CDH22: variants seen among roughly 807,000 people sequenced by gnomAD.
CDH22 encodes the protein cadherin-22.
CDH22 carries 30 observed loss-of-function variants against 58.4 expected under a neutral mutation model. The observed-to-expected ratio is 0.51, with a 90% CI of 0.38 to 0.70. CDH22 has a LOEUF of 0.70. Ranked by LOEUF, CDH22 falls within the 30% of genes least tolerant of loss-of-function variation. The probability of loss-of-function intolerance (pLI) is 0.00; values close to 1 mark genes in which losing one functional copy is unlikely to be tolerated. For missense variants in CDH22, 1,014 were observed against 1,233.9 expected (o/e 0.82, Z 2.67); for synonymous variants, 513 against 558.2 (o/e 0.92, Z 1.14).
chr20:46,185,628 G>A (rs1600686209), intron 10 of CDH22, among the ~76,000 whole-genome samples: 1 of 152,132 alleles, frequency 6.6e-6, no homozygotes, highest in Non-Finnish European at 1.5e-5. Context: ...AGCTCTTTGG[G>A]AGGCCGAGGT....
At chr20:46,244,252 C>T (rs1190155259) in intron 2 of CDH22, among the ~76,000 whole-genome samples, 2 of 152,182 alleles carry the variant, frequency 1.3e-5, no homozygotes, top group East Asian at 3.9e-4. Context: ...ATGTCATCTT[C>T]TGTGGAATAT....
chr20:46,255,779 C>A (rs2086403627), intron 1 of CDH22, among the ~76,000 whole-genome samples: 1 of 152,190 alleles, frequency 6.6e-6, no homozygotes, highest in Non-Finnish European at 1.5e-5. Context: ...GACTACAGAA[C>A]CCTGTCCTGG....
At chr20:46,185,641 G>A (rs1371460614) in intron 10 of CDH22, among the ~76,000 whole-genome samples, 1 of 152,060 alleles carries the variant, frequency 6.6e-6, no homozygotes, top group Non-Finnish European at 1.5e-5. Flanking sequence ...GCCGAGGTAG[G>A]AGGATTGTTT....
rs60526598 is a variant in CDH22 at position 46,186,551 on chromosome 20, C to T, written c.1663+37G>A. On this transcript the variant is annotated intron_variant, in intron 10 of 11. Transcript: ENST00000537909. ...ATGGGAACAGGGCAGGGAGACTGTG[C>T]CCCTCCCTTCTTGCATCCTAGGGTT... is the stretch of plus-strand genomic sequence containing the variant. 302 of 1,399,762 alleles carry T rather than the reference C, an allele frequency of 2.2e-4. No individual in the cohort carries two copies. The African/African-American group carries it at 4.0e-3, about 19-fold the overall frequency. The allele number at this position is 1,399,762 out of a possible 1,614,324, so 86.7% of individuals were successfully genotyped here.
intron 3 of CDH22, among the ~76,000 whole-genome samples, chr20:46,233,304 C>T (rs969276323): frequency 6.6e-6 from 1 of 152,116 alleles, no homozygotes; most frequent in Non-Finnish European, 1.5e-5. Flanking sequence ...CCAGGCGACC[C>T]CTGACTGTGT....
At chr20:46,203,114 T>G (rs2085973997) in intron 7 of CDH22, among the ~76,000 whole-genome samples, 1 of 151,892 alleles carries the variant, frequency 6.6e-6, no homozygotes, top group Non-Finnish European at 1.5e-5. Context: ...GGAATCTAAA[T>G]GGAGGCAGCT....
In CDH22 at chr20:46,218,835, C is replaced by T. The variant is rs78046608; in HGVS notation, c.671-1842G>A. On this transcript the variant is annotated intron_variant, in intron 4 of 11. Transcript: ENST00000537909. ...GCCAGTAGAAGAGACAAGGGTAGGGCGGGGGAGTCGATGAGGCATTCAGAG... is the reference window on the plus strand; with the variant it reads ...GCCAGTAGAAGAGACAAGGGTAGGGTGGGGGAGTCGATGAGGCATTCAGAG... Among the ~76,000 whole-genome samples the T allele has an allele frequency of 5.0e-3, 765 of 152,172 alleles. 6 individuals are homozygous for T. Among genetic ancestry groups the T allele is most frequent in the African/African-American group, 0.018 (735 of 41,508 alleles).
chr20:46,278,935 T>G (rs1453400678), intron 1 of CDH22, among the ~76,000 whole-genome samples: 1 of 152,158 alleles, frequency 6.6e-6, no homozygotes, highest in Non-Finnish European at 1.5e-5. Context: ...AGTTAGTTTT[T>G]CCAGAGATTC....
chr20:46,201,467 G>A lies in CDH22; in HGVS notation c.1287-1908C>T, dbSNP rs114416856. On this transcript the variant is annotated intron_variant, in intron 7 of 11. Transcript: ENST00000537909. Reference sequence around the variant, plus strand: ...CCACTGGGACTTCGTGGGTCTGAAAGCAGTCAGAGCTGGGTTTGAATCCTC... The same window carrying A: ...CCACTGGGACTTCGTGGGTCTGAAAACAGTCAGAGCTGGGTTTGAATCCTC... Among the ~76,000 whole-genome samples, 541 of 152,320 alleles carry A rather than the reference G, an allele frequency of 3.6e-3. 5 individuals carry two copies. The highest frequency in any genetic ancestry group is 0.012 in the African/African-American group (515 of 41,578).
rs755286468 is a variant in CDH22 at position 46,175,097 on chromosome 20, G to A, written c.1916-20C>T. The A allele has an allele frequency of 8.3e-6, 13 of 1,564,734 alleles. 1 individual carries two copies. The South Asian group carries it at 1.5e-4, about 18-fold the overall frequency. ...CCAGCACTGCGAGGGGGACAGAGGG[G>A]GCAACTGAGGGCCAAGCCCCTCCCA... On this transcript the variant is annotated intron_variant, in intron 11 of 11. Transcript: ENST00000537909.
chr20:46,202,578 C>G (rs1469339746), intron 7 of CDH22, among the ~76,000 whole-genome samples: 1 of 152,128 alleles, frequency 6.6e-6, no homozygotes, highest in Non-Finnish European at 1.5e-5. Context: ...TGGTCTCAAT[C>G]TCCTGACCTT....
At chr20:46,191,068 G>C (rs1343064278) in intron 8 of CDH22, among the ~76,000 whole-genome samples, 1 of 152,168 alleles carries the variant, frequency 6.6e-6, no homozygotes, top group East Asian at 1.9e-4. Context: ...AGACAGCATG[G>C]TCTCGTTCTA....
intron 7 of CDH22, among the ~76,000 whole-genome samples, chr20:46,201,643 C>T (rs1253155081): frequency 1.3e-5 from 2 of 152,210 alleles, no homozygotes; most frequent in Non-Finnish European, 2.9e-5. Flanking sequence ...TTCATGTTTA[C>T]TGTCCTGGAG....
chr20:46,260,772 G>A (rs1600719876), intron 1 of CDH22, among the ~76,000 whole-genome samples: 1 of 152,200 alleles, frequency 6.6e-6, no homozygotes, highest in African/African-American at 2.4e-5. Context: ...TGCCAGCTTG[G>A]TGGCTCCAGG....
intron 7 of CDH22, among the ~76,000 whole-genome samples, chr20:46,208,605 A>T (rs1267288380): frequency 6.6e-6 from 1 of 151,066 alleles, no homozygotes; most frequent in Non-Finnish European, 1.5e-5. Flanking sequence ...TAATTAATTT[A>T]TTTATTTTGA....
intron 3 of CDH22, among the ~76,000 whole-genome samples, chr20:46,229,732 C>T (rs1036034424): frequency 5.3e-5 from 8 of 152,194 alleles, no homozygotes; most frequent in Non-Finnish European, 1.0e-4. Context: ...ATGCCTCCCT[C>T]ACAGAGGTGC....
intron 8 of CDH22, among the ~76,000 whole-genome samples, chr20:46,195,119 G>A (rs146714723): frequency 6.6e-6 from 1 of 152,162 alleles, no homozygotes; most frequent in Non-Finnish European, 1.5e-5. Context: ...CAAAACCAAG[G>A]TAACAAGATG....
rs1600701474 is a variant in CDH22 at position 46,217,853 on chromosome 20, A to G, written c.671-860T>C. 4.6e-5 allele frequency among the ~76,000 whole-genome samples: 7 copies of G among 152,238 alleles called. 1 individual carries two copies. Among genetic ancestry groups the G allele is most frequent in the African/African-American group, 2.4e-5 (1 of 41,542 alleles). Reference sequence around the variant, plus strand: ...CACACACAGACACACTAACATATACACACACACTCTCATACACACTGTAAC... The same window carrying G: ...CACACACAGACACACTAACATATACGCACACACTCTCATACACACTGTAAC... On this transcript the variant is annotated intron_variant, in intron 4 of 11. Transcript: ENST00000537909.
intron 3 of CDH22, among the ~76,000 whole-genome samples, chr20:46,239,096 T>C (rs1045331027): frequency 6.6e-6 from 1 of 152,262 alleles, no homozygotes; most frequent in Non-Finnish European, 1.5e-5. Context: ...GAAGCCTTAC[T>C]GGACCAATGA....
Sources: allele counts gnomAD v4.1 joint callset (sites outside exome capture counted in the v4.1 genomes callset), GRCh38; gene constraint gnomAD v4.1.1; transcripts MANE v1.5; gene names NCBI Gene and HGNC (gene_info 2026-07-23, HGNC 2026-07-21).